CAMK2D: variants seen among roughly 807,000 people sequenced by gnomAD.
CAMK2D encodes calcium/calmodulin dependent protein kinase II delta.
A neutral mutation model predicts 84.0 loss-of-function variants in CAMK2D; 37 were observed. The observed-to-expected ratio is 0.44, with a 90% confidence interval of 0.34 to 0.58. The LOEUF is 0.58. CAMK2D is among the 20% of genes least tolerant of loss of function. The probability of loss-of-function intolerance (pLI) is 0.02; values close to 1 mark genes in which losing one functional copy is unlikely to be tolerated. For missense variants in CAMK2D, 448 were observed against 652.5 expected (o/e 0.69, Z 3.41); for synonymous variants, 202 against 212.5 (o/e 0.95, Z 0.43).
rs192540771 is a variant in CAMK2D, at chr4:113,553,878, T to A, written c.276-1782A>T. ...AGACAAAAAACACTTTCAACAAGTC[T>A]ACTGTTGCCTGTATAGTGACGATAA... On this transcript the variant is annotated intron_variant, in intron 4 of 20. Transcript: ENST00000511664. 3.9e-5 allele frequency among the ~76,000 whole-genome samples: 6 copies of A among 152,316 alleles called. No homozygotes were observed. The East Asian group carries it at 1.2e-3, about 29-fold the overall frequency.
chr4:113,559,841 C>T (rs181236384), intron 4 of CAMK2D, among the ~76,000 whole-genome samples: 57 of 152,254 alleles, frequency 3.7e-4, no homozygotes, highest in African/African-American at 1.4e-3. Flanking sequence ...TGAATTTATA[C>T]CCCAAAGTTC....
At chr4:113,584,887 C>T (rs981100858) in intron 4 of CAMK2D, among the ~76,000 whole-genome samples, 4 of 152,102 alleles carry the variant, frequency 2.6e-5, no homozygotes, top group Non-Finnish European at 5.9e-5. Flanking sequence ...TGGTTCTTTA[C>T]GTATTTCTGC....
chr4:113,627,763 G>T (rs1412494079), intron 3 of CAMK2D, among the ~76,000 whole-genome samples: 2 of 152,164 alleles, frequency 1.3e-5, no homozygotes, highest in Non-Finnish European at 2.9e-5. Flanking sequence ...GTTTATAAAA[G>T]CTTAAACAAG....
intron 16 of CAMK2D, among the ~76,000 whole-genome samples, chr4:113,475,464 T>A (rs2154122599): frequency 6.6e-6 from 1 of 152,346 alleles, no homozygotes; most frequent in South Asian, 2.1e-4. Flanking sequence ...CATCCATAAT[T>A]ATTGAACTCC....
intron 5 of CAMK2D, among the ~76,000 whole-genome samples, chr4:113,550,886 T>C (rs1180336900): frequency 6.6e-6 from 1 of 152,196 alleles, no homozygotes; most frequent in East Asian, 1.9e-4. Context: ...CATGTACAGA[T>C]AGATTCACAA....
chr4:113,620,651 G>A (rs1258100181), intron 3 of CAMK2D, among the ~76,000 whole-genome samples: 1 of 151,802 alleles, frequency 6.6e-6, no homozygotes, highest in Admixed American at 6.6e-5. Flanking sequence ...GGGACTACAG[G>A]CGTGCACCTA....
intron 3 of CAMK2D, among the ~76,000 whole-genome samples, chr4:113,621,267 T>C (rs185894349): frequency 6.6e-6 from 1 of 152,330 alleles, no homozygotes; most frequent in East Asian, 1.9e-4. Context: ...GGTCTGAATA[T>C]GCATTTTAAT....
At chr4:113,654,233 GT>G (rs1420179382) in intron 3 of CAMK2D, among the ~76,000 whole-genome samples, 2 of 152,008 alleles carry the variant, frequency 1.3e-5, no homozygotes, top group Non-Finnish European at 2.9e-5. Flanking sequence ...AGCTCTTCCA[GT>G]TTTAAATTTT....
intron 6 of CAMK2D, among the ~76,000 whole-genome samples, chr4:113,547,379 T>C (rs2098586954): frequency 6.6e-6 from 1 of 152,202 alleles, no homozygotes; most frequent in Non-Finnish European, 1.5e-5. Context: ...GCTATATCCA[T>C]CCTTACAAGG....
chr4:113,526,513 T>C (rs1323426045), intron 8 of CAMK2D, among the ~76,000 whole-genome samples: 1 of 152,114 alleles, frequency 6.6e-6, no homozygotes, highest in Non-Finnish European at 1.5e-5. Context: ...AAATGTTATA[T>C]AGTTTAGAAA....
At chr4:113,677,512 T>C (rs1265063535) in intron 2 of CAMK2D, 2 of 932,476 alleles carry the variant, frequency 2.1e-6, no homozygotes, top group African/African-American at 1.8e-5. Context: ...GCTTACTTCC[T>C]TCTTGAAGGA....
intron 2 of CAMK2D, among the ~76,000 whole-genome samples, chr4:113,684,757 T>C (rs978119473): frequency 6.6e-6 from 1 of 152,174 alleles, no homozygotes; most frequent in Non-Finnish European, 1.5e-5. Context: ...AAAAACAGTA[T>C]TACTCTTGTC....
At chr4:113,461,888 G>A (rs1006295589) in intron 17 of CAMK2D, among the ~76,000 whole-genome samples, 5 of 152,160 alleles carry the variant, frequency 3.3e-5, no homozygotes, top group Admixed American at 2.0e-4. Context: ...TTTATAGAAC[G>A]TGGAACCGGT....
At chr4:113,579,876 A>G (rs567730059) in intron 4 of CAMK2D, among the ~76,000 whole-genome samples, 18 of 152,218 alleles carry the variant, frequency 1.2e-4, no homozygotes, top group Non-Finnish European at 1.2e-4. Context: ...AAATACAGCC[A>G]CTGTTTGAAA....
At chr4:113,674,535 AT>A (rs983216767) in intron 2 of CAMK2D, among the ~76,000 whole-genome samples, 1 of 151,862 alleles carries the variant, frequency 6.6e-6, no homozygotes, top group Non-Finnish European at 1.5e-5. Flanking sequence ...TGCCACTTAA[AT>A]TGTCTGTGGT....
chr4:113,537,422 T>C lies in CAMK2D; in HGVS notation c.436A>G (p.Ser146Gly). ...DLKPENLLLA[S>G]KSKGAAVKLA... ...TTCACAGCTGCTCCCTTGGATTTGC[T>C]AGCTAAAAGCAAATTCTCAGGCTTT... is the stretch of plus-strand genomic sequence containing the variant. Residue 146 changes from serine to glycine, a missense_variant, in exon 7 of 21, where the codon AGC (serine) becomes GGC (glycine). This residue lies in a region of CAMK2D where 60 missense variants were observed against 70.0 expected (regional missense o/e 0.86). Transcript: ENST00000511664. 6.2e-7 allele frequency: 1 copy of C among 1,609,984 alleles called. No homozygotes were observed. The highest frequency in any genetic ancestry group is 8.5e-7 in the Non-Finnish European group (1 of 1,176,594).
intron 2 of CAMK2D, among the ~76,000 whole-genome samples, chr4:113,681,806 G>A (rs1243670975): frequency 3.3e-5 from 5 of 151,798 alleles, no homozygotes; most frequent in Admixed American, 2.6e-4. Flanking sequence ...AACGACAACT[G>A]AAATATGAAT....
chr4:113,607,997 G>A (rs1442371902), intron 4 of CAMK2D, among the ~76,000 whole-genome samples: 5 of 152,178 alleles, frequency 3.3e-5, no homozygotes, highest in African/African-American at 7.2e-5. Flanking sequence ...GGCTTGAGAA[G>A]CAGTTCTAAT....
At chr4:113,670,430 T>A (rs2099275874) in intron 2 of CAMK2D, among the ~76,000 whole-genome samples, 2 of 150,356 alleles carry the variant, frequency 1.3e-5, no homozygotes, top group Non-Finnish European at 3.0e-5. Flanking sequence ...TAAAGAGGTT[T>A]AAATTTGTCT....
Sources: gnomAD v4.1 joint callset for allele counts (sites outside exome capture counted in the v4.1 genomes callset) on GRCh38, gnomAD v4.1.1 for gene constraint, gnomAD v4.1.1 regional missense constraint, MANE v1.5 for transcripts, NCBI Gene and HGNC (gene_info 2026-07-23, HGNC 2026-07-21) for gene names.